SLC28A2: variants seen among roughly 807,000 people sequenced by gnomAD.
The protein encoded by SLC28A2 is solute carrier family 28 member 2.
Under a neutral mutation model 72.9 loss-of-function variants are expected in SLC28A2, and 69 were observed. That is an observed-to-expected ratio of 0.95 (90% CI 0.78 to 1.16). The LOEUF (loss-of-function observed/expected upper bound fraction) is 1.16, where lower values mean the gene tolerates loss of function less well. Among genes scored for constraint, SLC28A2 ranks in the 50% most tolerant of loss-of-function variants. The pLI, the probability that SLC28A2 is intolerant of heterozygous loss-of-function variation, is 0.00. For missense variants in SLC28A2, 745 were observed against 791.1 expected, an observed-to-expected ratio of 0.94 and a Z score of 0.70; for synonymous variants, 296 against 294.1, an observed-to-expected ratio of 1.01 and a Z score of -0.07.
intron 14 of SLC28A2, among the ~76,000 whole-genome samples, chr15:45,269,795 T>C (rs977156737): frequency 1.3e-5 from 2 of 152,198 alleles, no homozygotes; most frequent in African/African-American, 4.8e-5. Flanking sequence ...TATAATGTAA[T>C]TGCTGGGTCT....
rs1322770696 is a variant in SLC28A2 at position 45,269,018 on chromosome 15, G to A, written c.1369-320G>A. ...AACATCACACTCTGGGGACTGTTGT[G>A]GGGTGGGGGGAGGGGGGAGGGATGG... On this transcript the variant is annotated intron_variant, in intron 13 of 17. Coordinates refer to ENST00000347644, the MANE Select transcript of SLC28A2 (RefSeq NM_004212.4). Among the ~76,000 whole-genome samples, 18 of 119,604 alleles carry A rather than the reference G, an allele frequency of 1.5e-4. No individual in the cohort carries two copies. The Admixed American group carries it at 1.7e-3, about 11-fold the overall frequency. 78.5% of individuals were successfully genotyped at this position (119,604 alleles called of 152,430 possible).
chr15:45,268,085 CCT>C (rs1050987969), intron 12 of SLC28A2, 123 bp from the exon 13 acceptor site: 15 of 889,986 alleles, frequency 1.7e-5, no homozygotes, highest in South Asian at 3.4e-5. Flanking sequence ...CTGAGGAACC[CCT>C]GTCACCTTCT....
At chr15:45,271,458 G>A (rs1192654125) in intron 15 of SLC28A2, among the ~76,000 whole-genome samples, 2 of 152,034 alleles carry the variant, frequency 1.3e-5, no homozygotes, top group South Asian at 2.1e-4. Context: ...CTATCTACTC[G>A]GGAGGCTGAG....
At chr15:45,265,926 GCT>G (rs1364137624) in intron 9 of SLC28A2, 153 bp from the exon 10 acceptor site, 1 of 643,376 alleles carries the variant, frequency 1.6e-6, no homozygotes, top group Non-Finnish European at 2.8e-6. Flanking sequence ...TCTGGTCAAG[GCT>G]CTGTTTCTAA....
rs764565400 is a variant in SLC28A2 at position 45,272,690 on chromosome 15, A to G, written c.1765A>G (p.Arg589Gly). ...TTATCCAGGAATCCTCTATGTCCCC[A>G]GGGGAGCTGAAGCTGACTGTGTCTC... Reference protein sequence around the residue: ...ACMAGILYVPRGAEADCVSFP... With the variant: ...ACMAGILYVPGGAEADCVSFP... Residue 589 changes from arginine (R) to glycine (G), a missense_variant, in exon 17 of 18, where the codon AGG (arginine) becomes GGG (glycine). Physicochemically the swap from Arg to Gly is moderately radical, Grantham distance 125. Transcript: ENST00000347644. The G allele has an allele frequency of 2.5e-6, 4 of 1,602,522 alleles. No individual in the cohort carries two copies. Among genetic ancestry groups the G allele is most frequent in the East Asian group, 2.2e-5 (1 of 44,820 alleles).
chr15:45,275,375 C>T (rs1900721466), intron 17 of SLC28A2, 21 bp from the exon 18 acceptor site: 1 of 1,414,578 alleles, frequency 7.1e-7, no homozygotes, highest in Non-Finnish European at 1.0e-6. Flanking sequence ...CCTTATGTAC[C>T]TCTCTGGTTT....
chr15:45,264,572 C>T lies in SLC28A2; in HGVS notation c.589-83C>T, dbSNP rs1179179865. 3 of 914,166 alleles carry T rather than the reference C, an allele frequency of 3.3e-6. No individual in the cohort carries two copies. In the African/African-American group the frequency reaches 4.9e-5, roughly 15 times the overall value. The allele number at this position is 914,166 out of a possible 1,614,324, so 56.6% of individuals were successfully genotyped here. On this transcript the variant is annotated intron_variant, in intron 6 of 17. Coordinates refer to ENST00000347644, the MANE Select transcript of SLC28A2 (RefSeq NM_004212.4). ...TTACTGTTAATATTCTAGGTTGGTT[C>T]CACCCAGAGTACATGTTTAAAACTC...
At chr15:45,257,758 T>C (rs976849599) in intron 3 of SLC28A2, among the ~76,000 whole-genome samples, 1 of 152,250 alleles carries the variant, frequency 6.6e-6, no homozygotes, top group Non-Finnish European at 1.5e-5. Context: ...TTGTGAGTTC[T>C]TTCTCTATTC....
Position 45,266,393 on chromosome 15 carries a change from C to T in SLC28A2, c.942+232C>T, listed in dbSNP as rs544933121. The stretch of plus-strand genomic sequence containing the variant: ...TAATCTGGAGGGATAGCCTTCACCA[C>T]TTCTAATGAACACTTCCTACGTAGG... On this transcript the variant is annotated intron_variant, in intron 10 of 17. Transcript: ENST00000347644. 2.2e-4 allele frequency among the ~76,000 whole-genome samples: 34 copies of T among 152,280 alleles called. No homozygotes were observed. In the South Asian group the frequency reaches 6.8e-3, roughly 31 times the overall value.
At chr15:45,258,942 A>G (rs11632752) in intron 3 of SLC28A2, among the ~76,000 whole-genome samples, 71,976 of 151,826 alleles carry the variant, frequency 0.47, 20,718 homozygotes, top group Non-Finnish European at 0.67. Context: ...AGCAAATTTC[A>G]CTCCCCTGGC....
At position 45,272,413 on chromosome 15, in the gene SLC28A2, T is replaced by C; in HGVS notation, c.1747+20T>C. 1.3e-6 allele frequency: 2 copies of C among 1,557,290 alleles called. No homozygotes were observed. Among genetic ancestry groups the C allele is most frequent in the East Asian group, 2.2e-5 (1 of 44,608 alleles). On this transcript the variant is annotated intron_variant, in intron 16 of 17. Transcript: ENST00000347644. ...TGGCAGGTAGGTGCCTCAGCTCTGA[T>C]GGAGATACTGCTGCATGAGGGTGAT... is the stretch of plus-strand genomic sequence containing the variant.
rs778413935 is a variant in SLC28A2 at position 45,272,327 on chromosome 15, T to C, written c.1681T>C (p.Ser561Pro). 6.2e-7 allele frequency: 1 copy of C among 1,614,010 alleles called. No homozygotes were observed. Among genetic ancestry groups the C allele is most frequent in the Admixed American group, 1.7e-5 (1 of 60,028 alleles). Reference protein sequence around the residue: ...SIVPHRKSDLSKVVVRALFTG... With the variant: ...SIVPHRKSDLPKVVVRALFTG... Reference sequence around the variant, plus strand: ...AGTACCTCACCGGAAGAGTGACTTGTCCAAGGTTGTGGTCAGGGCCCTCTT... The same window carrying C: ...AGTACCTCACCGGAAGAGTGACTTGCCCAAGGTTGTGGTCAGGGCCCTCTT... The change falls in exon 16 of 18, where the codon TCC becomes CCC. Residue 561 changes from serine (S) to proline (P), a missense_variant. Transcript: ENST00000347644.
intron 10 of SLC28A2, among the ~76,000 whole-genome samples, chr15:45,266,669 T>C (rs1264569198): frequency 6.6e-6 from 1 of 152,212 alleles, no homozygotes; most frequent in Non-Finnish European, 1.5e-5. Context: ...TTGGGGACAA[T>C]GACTTGTCAC....
chr15:45,261,258 A>C (rs1900152559), intron 3 of SLC28A2, among the ~76,000 whole-genome samples: 1 of 152,204 alleles, frequency 6.6e-6, no homozygotes. Flanking sequence ...GCATAGAATG[A>C]TGGTTAAGAG....
At position 45,265,566 on chromosome 15, in the gene SLC28A2, T is replaced by C; in HGVS notation, c.781-17T>C. ...TGCAATGTAACATCTCACCACCTGC[T>C]ACCATTCTCATTACAGGCCTTACCA... is the stretch of plus-strand genomic sequence containing the variant. On this transcript the variant is annotated splice_polypyrimidine_tract_variant and intron_variant, in intron 8 of 17. Coordinates refer to ENST00000347644, the MANE Select transcript of SLC28A2 (RefSeq NM_004212.4). 6.3e-6 allele frequency: 10 copies of C among 1,581,482 alleles called. No homozygotes were observed. The highest frequency in any genetic ancestry group is 8.7e-6 in the Non-Finnish European group (10 of 1,150,262).
At chr15:45,265,814 G>A in intron 9 of SLC28A2, 151 bp downstream of exon 9, 13 of 683,500 alleles carry the variant, frequency 1.9e-5, no homozygotes, top group East Asian at 2.7e-5. Context: ...ACTGTCAGCC[G>A]AGGCCCTAGG....
chr15:45,263,770 C>A, intron 5 of SLC28A2, 111 bp from the exon 6 acceptor site: 2 of 1,037,740 alleles, frequency 1.9e-6, no homozygotes, highest in Non-Finnish European at 2.8e-6. Flanking sequence ...ATGGCACATG[C>A]ATGGCCTTTG....
In SLC28A2 at chr15:45,267,445, G is replaced by A. The variant is rs17222043; in HGVS notation, c.943-10G>A. 112 of 1,614,066 alleles carry A rather than the reference G, an allele frequency of 6.9e-5. 1 individual carries two copies. Among genetic ancestry groups the A allele is most frequent in the Middle Eastern group, 3.3e-4 (2 of 6,060 alleles). ...TTCTTGGAATCTGACTGTTTTCTCC[G>A]TGTTTGTAGACAGAGGCACCTCTGC... On this transcript the variant is annotated splice_polypyrimidine_tract_variant and intron_variant, in intron 10 of 17. Transcript: ENST00000347644.
chr15:45,253,141 C>A, intron 1 of SLC28A2, 59 bp from the exon 2 acceptor site: 1 of 1,135,770 alleles, frequency 8.8e-7, no homozygotes, highest in Non-Finnish European at 1.3e-6. Flanking sequence ...AAAATTCTCC[C>A]CATCCCCACA....
Sources: allele counts gnomAD v4.1 joint callset (sites outside exome capture counted in the v4.1 genomes callset), GRCh38; gene constraint gnomAD v4.1.1; transcripts MANE v1.5; gene names NCBI Gene and HGNC (gene_info 2026-07-23, HGNC 2026-07-21).